SOX6: variants seen among roughly 807,000 people sequenced by gnomAD.
The protein encoded by SOX6 is SRY-box transcription factor 6, also known as transcription factor SOX-6.
A neutral mutation model predicts 97.8 loss-of-function variants in SOX6; 11 were observed. That is an observed-to-expected ratio of 0.11 (90% confidence interval 0.07 to 0.19). The LOEUF is 0.19. Ranked by LOEUF, SOX6 falls within the 10% of genes least tolerant of loss-of-function variation. SOX6 has a pLI of 1.00. For synonymous variants in SOX6, 360 were observed against 371.4 expected, an observed-to-expected ratio of 0.97 and a Z score of 0.35; for missense variants, 810 against 1,039.5, an observed-to-expected ratio of 0.78 and a Z score of 3.04.
At chr11:16,611,918 A>G (rs1304526550) in intron 4 of SOX6, among the ~76,000 whole-genome samples, 3 of 152,234 alleles carry the variant, frequency 2.0e-5, no homozygotes, top group African/African-American at 7.2e-5. Context: ...ACTTTTTTCC[A>G]AAGAAAAATA....
At chr11:16,078,771 C>T (rs1346144251) in intron 9 of SOX6, among the ~76,000 whole-genome samples, 2 of 151,902 alleles carry the variant, frequency 1.3e-5, no homozygotes, top group African/African-American at 4.8e-5. Context: ...GAGAAGGGGA[C>T]ATTTGAATAA....
chr11:16,283,834 G>A (rs1367279978), intron 3 of SOX6: 9 of 355,526 alleles, frequency 2.5e-5, no homozygotes, highest in South Asian at 1.3e-4. Context: ...TTTTTAAAAA[G>A]TTCTCTAGAT....
rs144368514 is a variant in SOX6 at position 16,073,132 on chromosome 11, T to G, written c.1102-17231A>C. Among the ~76,000 whole-genome samples the G allele has an allele frequency of 3.3e-5, 5 of 152,172 alleles. No individual in the cohort carries two copies. In the East Asian group the frequency reaches 9.7e-4, roughly 30 times the overall value. On this transcript the variant is annotated intron_variant, in intron 9 of 15. Transcript: ENST00000683767. Reference sequence around the variant, plus strand: ...GAATGTAAATGGGCTAAATGCCCAATTAAAAGGCATGAAGTGGCACATTGG... The same window carrying G: ...GAATGTAAATGGGCTAAATGCCCAAGTAAAAGGCATGAAGTGGCACATTGG...
intron 1 of SOX6, among the ~76,000 whole-genome samples, chr11:16,388,558 T>C (rs1858067401): frequency 6.6e-6 from 1 of 152,118 alleles, no homozygotes; most frequent in Admixed American, 6.5e-5. Flanking sequence ...TTTTATTTTC[T>C]TAATGAACAA....
intron 7 of SOX6, 39 bp downstream of exon 7, chr11:16,111,764 G>A: frequency 6.2e-7 from 1 of 1,611,574 alleles, no homozygotes; most frequent in East Asian, 2.2e-5. Context: ...ATGCAGATCT[G>A]AGCATTTGGA....
intron 4 of SOX6, among the ~76,000 whole-genome samples, chr11:16,555,966 T>G (rs1356059492): frequency 2.0e-5 from 3 of 151,620 alleles, no homozygotes; most frequent in Non-Finnish European, 3.0e-5. Flanking sequence ...CACTTCTGGG[T>G]TTTTTATATT....
intron 1 of SOX6, among the ~76,000 whole-genome samples, chr11:16,438,411 T>C (rs979645366): frequency 1.3e-5 from 2 of 152,174 alleles, no homozygotes; most frequent in African/African-American, 4.8e-5. Context: ...GACACACTGA[T>C]TGCAGCATCC....
At chr11:16,477,864 C>T (rs1376070463), upstream of SOX6, among the ~76,000 whole-genome samples, 1 of 152,300 alleles carries the variant, frequency 6.6e-6, no homozygotes, top group East Asian at 1.9e-4. Context: ...GCAACTCTAA[C>T]GCCTACTTCC....
intron 14 of SOX6, among the ~76,000 whole-genome samples, chr11:15,986,630 A>C (rs1310692438): frequency 2.0e-5 from 3 of 152,186 alleles, no homozygotes; most frequent in Non-Finnish European, 2.9e-5. Context: ...TTATCTCAAT[A>C]GTTTAAGACT....
chr11:16,408,257 C>A (rs952686203), intron 1 of SOX6, among the ~76,000 whole-genome samples: 2 of 152,102 alleles, frequency 1.3e-5, no homozygotes, highest in South Asian at 2.1e-4. Context: ...AAGCAGCTTA[C>A]GTTCAACTCA....
intron 4 of SOX6, among the ~76,000 whole-genome samples, chr11:16,201,482 T>A (rs974446182): frequency 9.3e-5 from 14 of 150,838 alleles, no homozygotes; most frequent in African/African-American, 3.4e-4. Flanking sequence ...TAGAAACTCA[T>A]AATAAACAAA....
intron 4 of SOX6, among the ~76,000 whole-genome samples, chr11:16,504,670 C>T (rs186820906): frequency 8.0e-4 from 122 of 152,184 alleles, no homozygotes; most frequent in African/African-American, 2.8e-3. Flanking sequence ...GGCTCTGCGT[C>T]CCCTGCCCCC....
intron 4 of SOX6, among the ~76,000 whole-genome samples, chr11:16,554,003 C>A (rs1428597189): frequency 6.6e-6 from 1 of 151,954 alleles, no homozygotes; most frequent in African/African-American, 2.4e-5. Context: ...AAGTGGTAGG[C>A]CCTACTAGGA....
chr11:16,035,425 T>G (rs1590147418), intron 12 of SOX6, among the ~76,000 whole-genome samples: 1 of 152,214 alleles, frequency 6.6e-6, no homozygotes, highest in African/African-American at 2.4e-5. Context: ...TTAATAAATG[T>G]GTGAAATGCT....
chr11:16,730,289 A>T (rs1487427828), intron 2 of SOX6, among the ~76,000 whole-genome samples: 2 of 152,100 alleles, frequency 1.3e-5, no homozygotes, highest in African/African-American at 4.8e-5. Flanking sequence ...TCAACAGAAC[A>T]TACATTCTTC....
Position 16,240,418 on chromosome 11 carries a change from TA to T in SOX6, c.446-5748del, listed in dbSNP as rs1448180594. ...CCATACCACATTTGAAACCTGTACA[TA>T]CACATACAGACATCATCATAATCGG... On this transcript the variant is annotated intron_variant, in intron 3 of 15. Coordinates refer to ENST00000683767, the MANE Select transcript of SOX6 (RefSeq NM_001367873.1). Among the ~76,000 whole-genome samples the T allele has an allele frequency of 1.1e-4, 17 of 151,876 alleles. No individual in the cohort carries two copies. The East Asian group carries it at 3.3e-3, about 29-fold the overall frequency.
chr11:16,691,421 A>T (rs2134036021), intron 3 of SOX6, among the ~76,000 whole-genome samples: 1 of 152,362 alleles, frequency 6.6e-6, no homozygotes, highest in East Asian at 1.9e-4. Flanking sequence ...CATCAAAGAG[A>T]AAGATTTTTT....
At position 16,473,288 on chromosome 11, in the gene SOX6, G is replaced by A. The variant is rs555905283; in HGVS notation, c.-5+3027C>T. ...CAAATGTTGCGATAAAGCAAATCAC[G>A]CAAACGTTTTGGTTTCCCAGTGCAT... On this transcript the variant is annotated intron_variant, in intron 1 of 15. Coordinates refer to the SOX6 transcript ENST00000396356. 5.3e-5 allele frequency among the ~76,000 whole-genome samples: 8 copies of A among 152,148 alleles called. No individual in the cohort carries two copies. The East Asian group carries it at 7.7e-4, about 15-fold the overall frequency.
At chr11:16,084,702 A>G (rs1337136767) in intron 9 of SOX6, among the ~76,000 whole-genome samples, 1 of 152,196 alleles carries the variant, frequency 6.6e-6, no homozygotes, top group Non-Finnish European at 1.5e-5. Flanking sequence ...GACAGAGAAC[A>G]TGTAAGACAG....
Sources: gnomAD v4.1 joint callset for allele counts (sites outside exome capture counted in the v4.1 genomes callset) on GRCh38, gnomAD v4.1.1 for gene constraint, MANE v1.5 for transcripts, NCBI Gene and HGNC (gene_info 2026-07-23, HGNC 2026-07-21) for gene names.